The following PLEKHA5 variants were observed in gnomAD, a reference collection of about 807,000 sequenced individuals.
PLEKHA5 encodes the protein pleckstrin homology domain-containing family A member 5.
PLEKHA5 carries 55 observed loss-of-function variants against 181.9 expected under a neutral mutation model. The observed-to-expected ratio is 0.30, with a 90% CI of 0.24 to 0.38. The LOEUF is 0.38. Ranked by LOEUF, PLEKHA5 falls within the 10% of genes least tolerant of loss-of-function variation. The pLI, the probability that PLEKHA5 is intolerant of heterozygous loss-of-function variation, is 1.00. For synonymous variants in PLEKHA5, 535 were observed against 529.4 expected, an observed-to-expected ratio of 1.01 and a Z score of -0.15; for missense variants, 1,432 against 1,549.5, an observed-to-expected ratio of 0.92 and a Z score of 1.27.
chr12:19,371,560 T>C, intron 31 of PLEKHA5: 1 of 176,424 alleles, frequency 5.7e-6, no homozygotes, highest in Admixed American at 5.9e-5. Context: ...GAACATATGA[T>C]ATTTGGTTTT....
At chr12:19,145,033 G>C (rs1321814112) in intron 3 of PLEKHA5, among the ~76,000 whole-genome samples, 1 of 152,054 alleles carries the variant, frequency 6.6e-6, no homozygotes, top group Non-Finnish European at 1.5e-5. Context: ...TTACACCAGG[G>C]CTGCTGTTTC....
At chr12:19,165,700 C>T (rs535427093) in intron 3 of PLEKHA5, among the ~76,000 whole-genome samples, 64 of 152,244 alleles carry the variant, frequency 4.2e-4, no homozygotes, top group African/African-American at 1.5e-3. Context: ...GTAGGATTCA[C>T]TTGGGGGAAC....
intron 28 of PLEKHA5, among the ~76,000 whole-genome samples, chr12:19,360,313 A>C (rs11610733): frequency 2.1e-5 from 3 of 144,630 alleles, no homozygotes; most frequent in East Asian, 2.0e-4. Flanking sequence ...AAAAAAAAAA[A>C]CAAAAAAAAC....
intron 3 of PLEKHA5, among the ~76,000 whole-genome samples, chr12:19,212,171 CTT>C (rs1156516260): frequency 2.6e-5 from 4 of 152,162 alleles, no homozygotes; most frequent in Non-Finnish European, 5.9e-5. Flanking sequence ...TCTGCTAAGT[CTT>C]TGTCACAGTT....
intron 20 of PLEKHA5, among the ~76,000 whole-genome samples, chr12:19,332,099 A>G (rs933786892): frequency 2.6e-5 from 4 of 152,142 alleles, no homozygotes; most frequent in Admixed American, 2.6e-4. Flanking sequence ...AGCCTGAGCA[A>G]CATGGTGAAA....
chr12:19,349,138 G>A (rs756407879), intron 25 of PLEKHA5, among the ~76,000 whole-genome samples: 1 of 149,438 alleles, frequency 6.7e-6, no homozygotes, highest in East Asian at 2.0e-4. Flanking sequence ...GTGTTGTTGT[G>A]TGTGAGGTCT....
chr12:19,182,379 A>G (rs553246878), intron 3 of PLEKHA5, among the ~76,000 whole-genome samples: 1 of 152,318 alleles, frequency 6.6e-6, no homozygotes, highest in South Asian at 2.1e-4. Context: ...CTTTCCATCA[A>G]TCCTTTCCTA....
rs1428663359 is a variant in PLEKHA5, at chr12:19,253,242, T to C, written c.228-698T>C. Among the ~76,000 whole-genome samples, 6 of 150,812 alleles carry C rather than the reference T, an allele frequency of 4.0e-5. No individual in the cohort carries two copies. The East Asian group carries it at 1.2e-3, about 30-fold the overall frequency. ...GGCACACGCCACCACACCTGGCTAA[T>C]TTTTGTATTTTTAGTAGAGATGGTG... On this transcript the variant is annotated intron_variant, in intron 3 of 31. Transcript: ENST00000429027.
intron 25 of PLEKHA5, among the ~76,000 whole-genome samples, chr12:19,353,600 C>T (rs1301523808): frequency 6.6e-6 from 1 of 152,196 alleles, no homozygotes; most frequent in African/African-American, 2.4e-5. Flanking sequence ...GTTGGGATTA[C>T]AGGCATGCGC....
intron 16 of PLEKHA5, among the ~76,000 whole-genome samples, chr12:19,316,874 G>A (rs902935631): frequency 6.6e-6 from 1 of 152,128 alleles, no homozygotes; most frequent in African/African-American, 2.4e-5. Flanking sequence ...TTGCTTTTCT[G>A]AAGTTGAATG....
intron 3 of PLEKHA5, among the ~76,000 whole-genome samples, chr12:19,247,629 G>A (rs748133291): frequency 3.3e-5 from 5 of 151,716 alleles, no homozygotes; most frequent in Non-Finnish European, 7.4e-5. Flanking sequence ...AAAGTATCAG[G>A]CCTTTCATTT....
At chr12:19,238,256 C>A (rs2061742584) in intron 3 of PLEKHA5, among the ~76,000 whole-genome samples, 1 of 152,006 alleles carries the variant, frequency 6.6e-6, no homozygotes. Context: ...TGAAGAATGA[C>A]TTGCTGTACA....
intron 21 of PLEKHA5, among the ~76,000 whole-genome samples, chr12:19,341,866 G>C (rs763049140): frequency 2.0e-5 from 3 of 151,906 alleles, no homozygotes; most frequent in African/African-American, 7.3e-5. Flanking sequence ...CAAGTAGCTG[G>C]GACCACAGAC....
chr12:19,313,974 A>G (rs1204939294), intron 15 of PLEKHA5, among the ~76,000 whole-genome samples: 1 of 152,174 alleles, frequency 6.6e-6, no homozygotes, highest in Non-Finnish European at 1.5e-5. Context: ...TCTGTATATG[A>G]AAGATGAAAA....
intron 7 of PLEKHA5, 68 bp downstream of exon 7, chr12:19,261,089 T>C: frequency 4.8e-6 from 4 of 826,212 alleles, no homozygotes; most frequent in Non-Finnish European, 8.0e-6. Flanking sequence ...AAGTATCAGA[T>C]ACTTTAAAAA....
intron 3 of PLEKHA5, among the ~76,000 whole-genome samples, chr12:19,241,484 G>C (rs956854305): frequency 9.9e-5 from 15 of 152,264 alleles, no homozygotes; most frequent in African/African-American, 3.1e-4. Context: ...AGCTGGGTGT[G>C]ATAGGCTCAT....
At chr12:19,310,204 C>G (rs142008063) in intron 15 of PLEKHA5, among the ~76,000 whole-genome samples, 2 of 152,166 alleles carry the variant, frequency 1.3e-5, no homozygotes, top group Non-Finnish European at 2.9e-5. Context: ...TTTAGTCTTT[C>G]CTCTGATTCC....
chr12:19,215,121 G>A (rs2057710465), intron 3 of PLEKHA5, among the ~76,000 whole-genome samples: 1 of 152,072 alleles, frequency 6.6e-6, no homozygotes. Flanking sequence ...AGGTTGCAGT[G>A]AGCTGAGATG....
chr12:19,184,180 G>A (rs1376589570), intron 3 of PLEKHA5, among the ~76,000 whole-genome samples: 1 of 152,090 alleles, frequency 6.6e-6, no homozygotes, highest in South Asian at 2.1e-4. Flanking sequence ...CTATGAAAAA[G>A]ATAAGAAGAA....
Sources: gnomAD v4.1 joint callset for allele counts (sites outside exome capture counted in the v4.1 genomes callset) on GRCh38, gnomAD v4.1.1 for gene constraint, MANE v1.5 for transcripts, NCBI Gene and HGNC (gene_info 2026-07-23, HGNC 2026-07-21) for gene names.